COL27A1: variants seen among roughly 807,000 people sequenced by gnomAD.
COL27A1 encodes the protein collagen type XXVII alpha 1 chain.
In COL27A1, 106 loss-of-function variants were observed where a neutral mutation model predicts 251.3. The observed-to-expected ratio is 0.42, with a 90% CI of 0.36 to 0.50. COL27A1 has a LOEUF of 0.50. Among genes scored for constraint, COL27A1 ranks in the 20% least tolerant of loss-of-function variants. The pLI is 0.00. For synonymous variants in COL27A1, 1,000 were observed against 986.3 expected (o/e 1.01, Z -0.26); for missense variants, 2,325 against 2,522.8 (o/e 0.92, Z 1.68).
rs114221305 is a variant in COL27A1, at chr9:114,250,962, C to T, written c.3033+294C>T. Among the ~76,000 whole-genome samples, 487 of 152,138 alleles carry T rather than the reference C, an allele frequency of 3.2e-3. 3 individuals are homozygous for T. Among genetic ancestry groups the T allele is most frequent in the African/African-American group, 0.011 (463 of 41,502 alleles). The stretch of plus-strand genomic sequence containing the variant: ...CCTACTGGCCCTGCACAGGGGTCGG[C>T]GAGAGCAGGGAGGAAAAGACTCATC... On this transcript the variant is annotated intron_variant, in intron 25 of 60. Coordinates refer to ENST00000356083, the MANE Select transcript of COL27A1 (RefSeq NM_032888.4).
At chr9:114,245,506 C>T (rs934637713) in intron 23 of COL27A1, among the ~76,000 whole-genome samples, 2 of 152,170 alleles carry the variant, frequency 1.3e-5, no homozygotes, top group Non-Finnish European at 2.9e-5. Context: ...TCTAGCCCTA[C>T]CTCTGGCTCA....
intron 59 of COL27A1, among the ~76,000 whole-genome samples, chr9:114,309,056 C>T (rs904102846): frequency 7.2e-5 from 11 of 152,218 alleles, no homozygotes; most frequent in Admixed American, 3.9e-4. Flanking sequence ...GCCCTTCCCA[C>T]TTACGCAGCC....
chr9:114,298,915 A>G (rs1008652224), intron 49 of COL27A1, among the ~76,000 whole-genome samples: 4 of 152,316 alleles, frequency 2.6e-5, no homozygotes, highest in Middle Eastern at 3.4e-3. Flanking sequence ...TATATAAAGA[A>G]CCCTTACAAC....
chr9:114,226,597 G>A (rs557486877), intron 14 of COL27A1, among the ~76,000 whole-genome samples: 39 of 152,356 alleles, frequency 2.6e-4, no homozygotes, highest in Non-Finnish European at 4.4e-4. Context: ...GGCTGTTCTG[G>A]TGTGACAGAT....
At chr9:114,159,551 C>G (rs189553339) in intron 1 of COL27A1, among the ~76,000 whole-genome samples, 1 of 152,278 alleles carries the variant, frequency 6.6e-6, no homozygotes, top group Non-Finnish European at 1.5e-5. Context: ...GGGGTAGTCT[C>G]CTCTGAGGAG....
rs781781413 is a variant in COL27A1 at position 114,266,586 on chromosome 9, C to T, written c.3415C>T (p.Pro1139Ser). Residue 1139 changes from proline (P) to serine (S), a missense_variant, in exon 33 of 61, where the codon CCA (proline) becomes TCA (serine). Coordinates refer to ENST00000356083, the MANE Select transcript of COL27A1 (RefSeq NM_032888.4). Reference sequence around the variant, plus strand: ...CCAGGGCCCTCAGGGACCCCAGGGGCCAATTGGGCCTCCAGGAGAGATGGG... The same window carrying T: ...CCAGGGCCCTCAGGGACCCCAGGGGTCAATTGGGCCTCCAGGAGAGATGGG... ...GEPGPQGPQG[P>S]IGPPGEMGPK... The T allele has an allele frequency of 6.2e-7, 1 of 1,613,728 alleles. No homozygotes were observed. The highest frequency in any genetic ancestry group is 8.5e-7 in the Non-Finnish European group (1 of 1,179,722).
chr9:114,237,921 A>G (rs549667714), intron 19 of COL27A1, among the ~76,000 whole-genome samples: 6 of 152,328 alleles, frequency 3.9e-5, no homozygotes, highest in African/African-American at 1.4e-4. Flanking sequence ...TCAAAAGTCA[A>G]CAGGGCCAAA....
rs186916581 is a variant in COL27A1 at position 114,310,523 on chromosome 9, G to A, written c.5437-26G>A. The A allele has an allele frequency of 6.7e-3, 10,864 of 1,613,638 alleles. 63 individuals carry two copies. Among genetic ancestry groups the A allele is most frequent in the South Asian group, 0.018 (1,657 of 91,072 alleles). ...ATGATAAGAATCACGATGGATGTAC[G>A]TGTGCACTTTTCCTTCTGCCTTCAG... is the stretch of plus-strand genomic sequence containing the variant. On this transcript the variant is annotated intron_variant, in intron 60 of 60. Coordinates refer to ENST00000356083, the MANE Select transcript of COL27A1 (RefSeq NM_032888.4).
chr9:114,264,331 G>T (rs374497210), intron 28 of COL27A1, 24 bp from the exon 29 acceptor site: 24 of 1,573,948 alleles, frequency 1.5e-5, no homozygotes, highest in Admixed American at 3.6e-5. Flanking sequence ...TGTCCGGTGT[G>T]CTAGTCCCTT....
intron 24 of COL27A1, 35 bp from the exon 25 acceptor site, chr9:114,250,580 G>C (rs528748672): frequency 6.2e-7 from 1 of 1,603,724 alleles, no homozygotes; most frequent in East Asian, 2.2e-5. Context: ...CCGGATTCAC[G>C]TTGTTTCTCT....
At chr9:114,251,316 A>G (rs896811379) in intron 25 of COL27A1, among the ~76,000 whole-genome samples, 8 of 151,934 alleles carry the variant, frequency 5.3e-5, no homozygotes, top group Non-Finnish European at 1.0e-4. Context: ...GGGAGGAAGT[A>G]TCCCCCGCAA....
chr9:114,292,720 A>G (rs545656110), intron 49 of COL27A1, among the ~76,000 whole-genome samples: 33 of 152,360 alleles, frequency 2.2e-4, no homozygotes, highest in African/African-American at 7.9e-4. Flanking sequence ...CTTCAAATAT[A>G]AAGATATAAG....
chr9:114,288,776 C>G, intron 43 of COL27A1, 21 bp downstream of exon 43: 1 of 1,608,186 alleles, frequency 6.2e-7, no homozygotes. Flanking sequence ...GAGCTCCTAC[C>G]TGCTGGCAGG....
intron 2 of COL27A1, among the ~76,000 whole-genome samples, chr9:114,166,373 A>ATCCATCCG (rs1165665364): frequency 6.7e-6 from 1 of 148,902 alleles, no homozygotes; most frequent in African/African-American, 2.5e-5. Context: ...CCATCAATCC[A>ATCCATCCG]TCCATCCATC....
At chr9:114,226,040 C>T (rs1005242233) in intron 14 of COL27A1, among the ~76,000 whole-genome samples, 10 of 152,138 alleles carry the variant, frequency 6.6e-5, no homozygotes, top group Non-Finnish European at 1.0e-4. Context: ...ACACAGCCCT[C>T]TTTGAGTAAC....
chr9:114,282,577 T>G lies in COL27A1; in HGVS notation c.3879+13T>G. 10 of 1,467,766 alleles carry G rather than the reference T, an allele frequency of 6.8e-6. No individual in the cohort carries two copies. The highest frequency in any genetic ancestry group is 8.2e-6 in the Non-Finnish European group (9 of 1,097,814). 90.9% of individuals were successfully genotyped at this position (1,467,766 alleles called of 1,614,324 possible). On this transcript the variant is annotated intron_variant, in intron 39 of 60. Coordinates refer to ENST00000356083, the MANE Select transcript of COL27A1 (RefSeq NM_032888.4). The stretch of plus-strand genomic sequence containing the variant: ...CCTGGGACCAACGGTGAGGACTCTC[T>G]GGCTGGGGTGGGGGAGTCAGATGTG...
intron 12 of COL27A1, among the ~76,000 whole-genome samples, chr9:114,212,144 A>C (rs561818145): frequency 6.6e-6 from 1 of 152,208 alleles, no homozygotes; most frequent in African/African-American, 2.4e-5. Context: ...TCCACCCCCA[A>C]CCTAGACCCC....
chr9:114,293,593 T>C (rs998767613), intron 49 of COL27A1, among the ~76,000 whole-genome samples: 2 of 148,684 alleles, frequency 1.3e-5, no homozygotes. Flanking sequence ...TTTTGAGATC[T>C]GTAAAACTGA....
intron 2 of COL27A1, among the ~76,000 whole-genome samples, chr9:114,167,182 C>T (rs967158612): frequency 2.6e-5 from 4 of 152,148 alleles, no homozygotes; most frequent in African/African-American, 7.2e-5. Flanking sequence ...AGGAGTATAA[C>T]GTGTCATTGT....
Sources: allele counts gnomAD v4.1 joint callset (sites outside exome capture counted in the v4.1 genomes callset), GRCh38; gene constraint gnomAD v4.1.1; transcripts MANE v1.5; gene names NCBI Gene and HGNC (gene_info 2026-07-23, HGNC 2026-07-21).